ZSWIM6: variants seen among roughly 807,000 people sequenced by gnomAD.
The protein encoded by ZSWIM6 is zinc finger SWIM-type containing 6, also known as zinc finger SWIM domain-containing protein 6.
Under a neutral mutation model 113.2 loss-of-function variants are expected in ZSWIM6, and 9 were observed. The ratio of observed to expected loss-of-function variants is 0.08; its 90% confidence interval spans 0.05 to 0.14. The LOEUF is 0.14. Ranked by LOEUF, ZSWIM6 falls within the 10% of genes least tolerant of loss-of-function variation. The pLI is 1.00. For missense variants in ZSWIM6, 1,162 were observed against 1,552.2 expected, an observed-to-expected ratio of 0.75 and a Z score of 4.22; for synonymous variants, 611 against 606.5, an observed-to-expected ratio of 1.01 and a Z score of -0.11.
intron 1 of ZSWIM6, among the ~76,000 whole-genome samples, chr5:61,433,741 C>T (rs1048638664): frequency 6.6e-6 from 1 of 152,022 alleles, no homozygotes; most frequent in African/African-American, 2.4e-5. Context: ...CCCAAAAGTG[C>T]TGGGATTACA....
chr5:61,482,053 T>A (rs542902008), intron 2 of ZSWIM6, among the ~76,000 whole-genome samples: 2 of 152,346 alleles, frequency 1.3e-5, no homozygotes, highest in South Asian at 4.1e-4. Flanking sequence ...ACAGCAAATG[T>A]ATAAATACAT....
At chr5:61,409,883 A>G (rs6861729) in intron 1 of ZSWIM6, among the ~76,000 whole-genome samples, 24,225 of 152,150 alleles carry the variant, frequency 0.16, 2,162 homozygotes, top group African/African-American at 0.22. Flanking sequence ...GTAAAGGAAG[A>G]CTATTTTGAG....
At chr5:61,532,197 G>A (rs1291942891) in intron 9 of ZSWIM6, among the ~76,000 whole-genome samples, 2 of 152,174 alleles carry the variant, frequency 1.3e-5, no homozygotes, top group African/African-American at 4.8e-5. Context: ...AAACGACTGA[G>A]GGCTGTGCGA....
At chr5:61,333,130 C>G (rs1347158411) in intron 1 of ZSWIM6, among the ~76,000 whole-genome samples, 182 bp downstream of exon 1, 1 of 151,718 alleles carries the variant, frequency 6.6e-6, no homozygotes, top group Non-Finnish European at 1.5e-5. Flanking sequence ...CCCTTCCCTG[C>G]CCCCCGTCGC....
intron 4 of ZSWIM6, among the ~76,000 whole-genome samples, chr5:61,515,170 C>T (rs1438259664): frequency 6.6e-6 from 1 of 152,146 alleles, no homozygotes. Flanking sequence ...CCCTTAGGAT[C>T]CTTTTAGTAT....
chr5:61,353,690 C>T lies in ZSWIM6; in HGVS notation c.676+20742C>T, dbSNP rs562005562. ...TTCTTGTTCCTTGGAGCTGATACTA[C>T]ACTCAGTTGAGGGTGACTTTTTCTT... On this transcript the variant is annotated intron_variant, in intron 1 of 13. Transcript: ENST00000252744. Among the ~76,000 whole-genome samples the T allele has an allele frequency of 1.2e-4, 19 of 152,328 alleles. No individual in the cohort carries two copies. In the East Asian group the frequency reaches 2.3e-3, roughly 19 times the overall value.
At position 61,525,850 on chromosome 5, in the gene ZSWIM6, T is replaced by C. The variant is rs1304027051; in HGVS notation, c.1564T>C (p.Cys522Arg). The C allele has an allele frequency of 1.3e-6, 2 of 1,551,760 alleles. No individual in the cohort carries two copies. The highest frequency in any genetic ancestry group is 1.7e-6 in the Non-Finnish European group (2 of 1,147,018). ...RTVFTRAIEA[C>R]DLHWQDSHLQ... ...AGTGTTCACCCGAGCCATCGAGGCA[T>C]GCGATCTCCACTGGCAGGATAGCCA... The change falls in exon 6 of 14, where the codon TGC (cysteine) becomes CGC (arginine). Residue 522 changes from cysteine (C) to arginine (R), a missense_variant. By Grantham distance (180) the Cys-to-Arg change is radical (BLOSUM62 -3). Transcript: ENST00000252744.
chr5:61,516,266 G>T (rs1748937327), intron 4 of ZSWIM6, among the ~76,000 whole-genome samples: 1 of 148,232 alleles, frequency 6.7e-6, no homozygotes, highest in Non-Finnish European at 1.5e-5. Context: ...CTTTCTTTTG[G>T]ATTATTTATT....
At chr5:61,355,429 AAAACACACACACAC>A (rs1744879205) in intron 1 of ZSWIM6, among the ~76,000 whole-genome samples, 4 of 107,458 alleles carry the variant, frequency 3.7e-5, no homozygotes, top group African/African-American at 1.5e-4. Flanking sequence ...GAGAGACTTT[AAAACACACACACAC>A]ACACACACAC....
At chr5:61,513,628 G>T (rs1003564718) in intron 4 of ZSWIM6, among the ~76,000 whole-genome samples, 7 of 151,938 alleles carry the variant, frequency 4.6e-5, no homozygotes, top group Admixed American at 6.6e-5. Context: ...TTAGGTTCAT[G>T]ATCCACTTTG....
At chr5:61,491,923 C>T (rs1279216152) in intron 3 of ZSWIM6, among the ~76,000 whole-genome samples, 1 of 151,682 alleles carries the variant, frequency 6.6e-6, no homozygotes, top group Non-Finnish European at 1.5e-5. Flanking sequence ...TCCTGTATAC[C>T]ATATGTAGAT....
At chr5:61,347,403 T>G (rs1377116723) in intron 1 of ZSWIM6, 3 of 165,088 alleles carry the variant, frequency 1.8e-5, no homozygotes, top group African/African-American at 7.2e-5. Context: ...CATGGAGCAG[T>G]GAGTTTCCAT....
Position 61,348,224 on chromosome 5 carries a change from A to G in ZSWIM6, c.676+15276A>G, listed in dbSNP as rs112216309. Among the ~76,000 whole-genome samples the G allele has an allele frequency of 1.1e-3, 161 of 152,314 alleles. 1 individual carries two copies. The highest frequency in any genetic ancestry group is 3.6e-3 in the African/African-American group (151 of 41,578). On this transcript the variant is annotated intron_variant, in intron 1 of 13. Transcript: ENST00000252744. ...CAACAGAGTGAGACTGTCTCAAAAA[A>G]ACAAAAAACAAAAGCAAGATTTAAA...
rs1386133622 is a variant in ZSWIM6, at chr5:61,471,147, G to A, written c.677-1534G>A. On this transcript the variant is annotated intron_variant, in intron 1 of 13. Transcript: ENST00000252744. ...TTTTATTAAAGTAGCATCAATAGAGGAAGACTGGGAGAGAGCCCAGGGCTT... is the reference window on the plus strand; with the variant it reads ...TTTTATTAAAGTAGCATCAATAGAGAAAGACTGGGAGAGAGCCCAGGGCTT... Among the ~76,000 whole-genome samples, 3 of 152,232 alleles carry A rather than the reference G, an allele frequency of 2.0e-5. No homozygotes were observed. In the East Asian group the frequency reaches 5.8e-4, roughly 29 times the overall value.
At chr5:61,341,049 TAAA>T (rs1212004463) in intron 1 of ZSWIM6, among the ~76,000 whole-genome samples, 1 of 152,142 alleles carries the variant, frequency 6.6e-6, no homozygotes, top group African/African-American at 2.4e-5. Flanking sequence ...GATGAGAAAA[TAAA>T]AAAGTCAGTT....
At chr5:61,480,607 T>C (rs1394668909) in intron 2 of ZSWIM6, among the ~76,000 whole-genome samples, 11 of 152,156 alleles carry the variant, frequency 7.2e-5, no homozygotes, top group Admixed American at 2.0e-4. Flanking sequence ...AATTGTAAAT[T>C]GAAATAAAGG....
At chr5:61,512,132 G>C (rs1031389306) in intron 4 of ZSWIM6, among the ~76,000 whole-genome samples, 8 of 152,070 alleles carry the variant, frequency 5.3e-5, no homozygotes, top group Admixed American at 5.3e-4. Context: ...CCCTCATGCT[G>C]TCCCAGTCCC....
intron 10 of ZSWIM6, among the ~76,000 whole-genome samples, chr5:61,536,728 T>A (rs1749584167): frequency 6.6e-6 from 1 of 152,224 alleles, no homozygotes; most frequent in East Asian, 1.9e-4. Context: ...TGTGTCTGTG[T>A]GTATACCTAT....
intron 1 of ZSWIM6, among the ~76,000 whole-genome samples, chr5:61,384,267 A>T (rs992321665): frequency 6.6e-6 from 1 of 151,980 alleles, no homozygotes; most frequent in African/African-American, 2.4e-5. Flanking sequence ...AAAAAAAAAA[A>T]AAAATTTCTA....
Sources: gnomAD v4.1 joint callset for allele counts (sites outside exome capture counted in the v4.1 genomes callset) on GRCh38, gnomAD v4.1.1 for gene constraint, MANE v1.5 for transcripts, NCBI Gene and HGNC (gene_info 2026-07-23, HGNC 2026-07-21) for gene names.